The following CAMSAP1 variants were observed in gnomAD, a reference collection of about 807,000 sequenced individuals.
CAMSAP1 encodes the protein calmodulin-regulated spectrin-associated protein 1.
In CAMSAP1, 58 loss-of-function variants were observed where a neutral mutation model predicts 143.5. The ratio of observed to expected loss-of-function variants is 0.40; its 90% CI spans 0.33 to 0.50. The LOEUF (loss-of-function observed/expected upper bound fraction) is 0.50, where lower values mean the gene tolerates loss of function less well. Ranked by LOEUF, CAMSAP1 falls within the 20% of genes least tolerant of loss-of-function variation. CAMSAP1 has a pLI of 0.45. For missense variants in CAMSAP1, 1,969 were observed against 2,115.7 expected (o/e 0.93, Z 1.36); for synonymous variants, 945 against 859.3 (o/e 1.10, Z -1.74).
At chr9:135,899,384 T>G (rs925393950) in intron 1 of CAMSAP1, among the ~76,000 whole-genome samples, 1 of 149,514 alleles carries the variant, frequency 6.7e-6, no homozygotes, top group African/African-American at 2.5e-5. Flanking sequence ...AGCCCAGGAG[T>G]TCGAGACCAT....
rs1355522779 is a variant in CAMSAP1, at chr9:135,881,776, C to A, written c.442G>T (p.Val148Leu). 6.4e-7 allele frequency: 1 copy of A among 1,551,932 alleles called. No individual in the cohort carries two copies. Among genetic ancestry groups the A allele is most frequent in the Admixed American group, 2.0e-5 (1 of 50,990 alleles). Residue 148 changes from valine (V) to leucine (L), a missense_variant, in exon 3 of 17, where the codon GTG (valine) becomes TTG (leucine). Around this residue, in one of 4 missense-constraint regions of CAMSAP1, gnomAD observed 221 missense variants for 298.2 expected, o/e 0.74. Coordinates refer to ENST00000389532, the MANE Select transcript of CAMSAP1 (RefSeq NM_015447.4). ...GTGTAGGCCATCATCAGGGCATCCA[C>A]CATTGCCATGTGGGCACTCTAGGGG... ...PIKMSAHMAM[V>L]DALMMAYTVE...
intron 1 of CAMSAP1, among the ~76,000 whole-genome samples, chr9:135,894,562 G>C (rs1838389990): frequency 6.6e-6 from 1 of 152,164 alleles, no homozygotes; most frequent in Non-Finnish European, 1.5e-5. Context: ...ACATCAGTGG[G>C]GACCCATGGA....
rs1564423888 is a variant in CAMSAP1, at chr9:135,824,923, A to G, written c.1224-43T>C. The G allele has an allele frequency of 2.0e-6, 3 of 1,476,804 alleles. No homozygotes were observed. The East Asian group carries it at 7.3e-5, about 36-fold the overall frequency. 91.5% of individuals were successfully genotyped at this position (1,476,804 alleles called of 1,614,324 possible). A position where few individuals can be genotyped will look rare whatever the true frequency, so the allele number is the denominator to read the frequency against. On this transcript the variant is annotated intron_variant, in intron 8 of 16. Coordinates refer to ENST00000389532, the MANE Select transcript of CAMSAP1 (RefSeq NM_015447.4). This position sits in a 1 kb window ranked among gnomAD's most constrained non-coding sequence, Gnocchi z 4.1. Reference sequence around the variant, plus strand: ...TACAGGGAAAATCATTCCTTTATCAAACTTCAAGGTCAACAGCAAATGCAC... The same window carrying G: ...TACAGGGAAAATCATTCCTTTATCAGACTTCAAGGTCAACAGCAAATGCAC...
chr9:135,841,394 C>T (rs758483876), intron 7 of CAMSAP1, among the ~76,000 whole-genome samples: 33 of 152,178 alleles, frequency 2.2e-4, no homozygotes, highest in Admixed American at 5.9e-4. Context: ...GGACAGAGCA[C>T]CTAGGGGAAG....
chr9:135,813,279 C>T (rs953915090), intron 16 of CAMSAP1, among the ~76,000 whole-genome samples: 3 of 152,166 alleles, frequency 2.0e-5, no homozygotes, highest in Non-Finnish European at 4.4e-5. Flanking sequence ...GACGGAGGGC[C>T]CGAGCGGCTG....
intron 10 of CAMSAP1, among the ~76,000 whole-genome samples, chr9:135,823,589 T>C (rs1835564301): frequency 6.6e-6 from 1 of 152,214 alleles, no homozygotes; most frequent in Non-Finnish European, 1.5e-5. Flanking sequence ...AAAATTACAG[T>C]AATTAGCCCA....
In CAMSAP1 at chr9:135,821,568, G is replaced by A; in HGVS notation, c.3093C>T (p.Ile1031=). ...TCAGGATGGCCTGCTGCAGCGTACT[G>A]ATGGTTTCGTTAAGCTTCTCGATGG... ...DLSIEKLNET[I]STLQQAILKI... Residue 1031 remains isoleucine, a synonymous_variant, in exon 11 of 17, where the codon ATC becomes ATT. Coordinates refer to ENST00000389532, the MANE Select transcript of CAMSAP1 (RefSeq NM_015447.4). This position sits in a 1 kb window ranked among gnomAD's most constrained non-coding sequence, Gnocchi z 4.6. 2 of 1,614,046 alleles carry A rather than the reference G, an allele frequency of 1.2e-6. No individual in the cohort carries two copies. The highest frequency in any genetic ancestry group is 1.7e-6 in the Non-Finnish European group (2 of 1,179,906).
intron 4 of CAMSAP1, chr9:135,865,380 G>C (rs761410001): frequency 1.9e-6 from 3 of 1,550,636 alleles, no homozygotes; most frequent in Admixed American, 3.9e-5. Context: ...CAGGAAGCGA[G>C]AGAAGGAAGG....
At chr9:135,846,271 G>C (rs545678593) in intron 7 of CAMSAP1, among the ~76,000 whole-genome samples, 4 of 152,240 alleles carry the variant, frequency 2.6e-5, no homozygotes, top group Admixed American at 6.5e-5. Flanking sequence ...ACAAAAACAA[G>C]CAATGGGGAA....
At position 135,873,987 on chromosome 9, in the gene CAMSAP1, C is replaced by T. The variant is rs142716717; in HGVS notation, c.586-7451G>A. On this transcript the variant is annotated intron_variant, in intron 3 of 16. Coordinates refer to ENST00000389532, the MANE Select transcript of CAMSAP1 (RefSeq NM_015447.4). ...AATCATCAACAATATATTAGCAAAT[C>T]GAATCCGTCAATATATAAAATAAAT... Among the ~76,000 whole-genome samples, 970 of 152,116 alleles carry T rather than the reference C, an allele frequency of 6.4e-3. 3 individuals are homozygous for T. The highest frequency in any genetic ancestry group is 0.02 in the Middle Eastern group (6 of 294).
Position 135,821,604 on chromosome 9 carries a change from T to C in CAMSAP1, c.3057A>G (p.Glu1019=), listed in dbSNP as rs988918921. 3.1e-6 allele frequency: 5 copies of C among 1,613,880 alleles called. No homozygotes were observed. The highest frequency in any genetic ancestry group is 1.1e-5 in the South Asian group (1 of 91,084). Residue 1019 remains glutamate, a synonymous_variant, in exon 11 of 17, where the codon GAA becomes GAG. Coordinates refer to ENST00000389532, the MANE Select transcript of CAMSAP1 (RefSeq NM_015447.4). This position sits in a 1 kb window ranked among gnomAD's most constrained non-coding sequence, Gnocchi z 4.6. ...TAAGCTTCTCGATGGAAAGGTCACA[T>C]TCATTCACGTCGACAACCTCCCCAA... ...DTVGEVVDVN[E]CDLSIEKLNE... is the part of the protein sequence containing the mutation.
intron 7 of CAMSAP1, among the ~76,000 whole-genome samples, chr9:135,841,924 A>C (rs1177545288): frequency 6.6e-6 from 1 of 152,188 alleles, no homozygotes; most frequent in Non-Finnish European, 1.5e-5. Flanking sequence ...AATTCCAAAA[A>C]CCAGAATGCC....
In CAMSAP1 at chr9:135,809,389, C is replaced by CAG. The variant is rs1484689812; in HGVS notation, c.*1918_*1919dup. 2.0e-5 allele frequency: 3 copies of CAG among 152,188 alleles called. No individual in the cohort carries two copies. The highest frequency in any genetic ancestry group is 7.2e-5 in the African/African-American group (3 of 41,438). 9.4% of individuals were successfully genotyped at this position (152,188 alleles called of 1,614,324 possible). A position where few individuals can be genotyped will look rare whatever the true frequency, so the allele number is the denominator to read the frequency against. On this transcript the variant is annotated 3_prime_UTR_variant, in exon 17 of 17. Coordinates refer to ENST00000389532, the MANE Select transcript of CAMSAP1 (RefSeq NM_015447.4). Reference sequence around the variant, plus strand: ...CCATGGAGAAAATCCAGAATTGATTCAGACGTCCCATGGGAATGCAATTTT... The same window carrying CAG: ...CCATGGAGAAAATCCAGAATTGATTCAGAGACGTCCCATGGGAATGCAATTTT...
chr9:135,814,644 C>G (rs911432579), intron 16 of CAMSAP1, among the ~76,000 whole-genome samples: 2 of 152,190 alleles, frequency 1.3e-5, no homozygotes, highest in Admixed American at 1.3e-4. Context: ...CCCACCACTC[C>G]GTCCTCCGTC....
chr9:135,885,735 A>G (rs913598828), intron 1 of CAMSAP1, among the ~76,000 whole-genome samples: 2 of 152,264 alleles, frequency 1.3e-5, no homozygotes, highest in African/African-American at 2.4e-5. Flanking sequence ...ATGAATATGC[A>G]TAACACAACT....
At position 135,811,657 on chromosome 9, in the gene CAMSAP1, C is replaced by T; in HGVS notation, c.4507-46G>A. 1.3e-6 allele frequency: 2 copies of T among 1,529,956 alleles called. No individual in the cohort carries two copies. Among genetic ancestry groups the T allele is most frequent in the South Asian group, 1.2e-5 (1 of 81,646 alleles). The allele number at this position is 1,529,956 out of a possible 1,614,324, so 94.8% of individuals were successfully genotyped here. On this transcript the variant is annotated intron_variant, in intron 16 of 16. Coordinates refer to ENST00000389532, the MANE Select transcript of CAMSAP1 (RefSeq NM_015447.4). The surrounding 1 kb of genome is among the most constrained non-coding windows in gnomAD (Gnocchi z 4.9). ...GGAAGAGACAAACACTTCAGGGCCA[C>T]TCCAATTGCCACGAGTTGGGCTCCC...
chr9:135,905,524 G>A (rs1433048534), intron 1 of CAMSAP1, among the ~76,000 whole-genome samples: 1 of 152,174 alleles, frequency 6.6e-6, no homozygotes. Flanking sequence ...GCACCTACGG[G>A]AGCCCAGCCA....
At chr9:135,876,100 C>A (rs534875422) in intron 3 of CAMSAP1, among the ~76,000 whole-genome samples, 1 of 152,278 alleles carries the variant, frequency 6.6e-6, no homozygotes, top group African/African-American at 2.4e-5. Context: ...GGATTACAGG[C>A]GCCCGCCATC....
chr9:135,901,965 C>G (rs1463561806), intron 1 of CAMSAP1, among the ~76,000 whole-genome samples: 2 of 152,240 alleles, frequency 1.3e-5, no homozygotes, highest in African/African-American at 4.8e-5. Flanking sequence ...CTGCCCTCCC[C>G]TCTGCTCTTA....
Sources: gnomAD v4.1 joint callset for allele counts (sites outside exome capture counted in the v4.1 genomes callset) on GRCh38, gnomAD v4.1.1 for gene constraint, gnomAD v4.1.1 regional missense constraint, Gnocchi (gnomAD v3.1) non-coding constraint, MANE v1.5 for transcripts, NCBI Gene and HGNC (gene_info 2026-07-23, HGNC 2026-07-21) for gene names.